SLIT2: variants seen among roughly 807,000 people sequenced by gnomAD.
SLIT2 encodes the protein slit homolog 2 protein.
A neutral mutation model predicts 185.7 loss-of-function variants in SLIT2; 41 were observed. The ratio of observed to expected loss-of-function variants is 0.22; its 90% CI spans 0.17 to 0.29. SLIT2 has a LOEUF of 0.29. Among genes scored for constraint, SLIT2 ranks in the 10% least tolerant of loss-of-function variants. SLIT2 has a pLI of 1.00. For synonymous variants in SLIT2, 693 were observed against 680.2 expected, an observed-to-expected ratio of 1.02 and a Z score of -0.29; for missense variants, 1,571 against 1,909.0, an observed-to-expected ratio of 0.82 and a Z score of 3.30.
intron 4 of SLIT2, among the ~76,000 whole-genome samples, chr4:20,463,235 C>T (rs1052137163): frequency 2.8e-4 from 43 of 151,890 alleles, no homozygotes; most frequent in Middle Eastern, 3.4e-3. Flanking sequence ...CCCACCACCT[C>T]CCACCTCTTT....
In SLIT2 at chr4:20,281,230, A is replaced by T. The variant is rs1714739018; in HGVS notation, c.395+12349A>T. Among the ~76,000 whole-genome samples, 3 of 152,344 alleles carry T rather than the reference A, an allele frequency of 2.0e-5. No individual in the cohort carries two copies. The South Asian group carries it at 6.2e-4, about 32-fold the overall frequency. ...CTCAATATGAGGTAAGTGGTGTACA[A>T]CTGAGGTAGTTTTAATAATCACCTG... On this transcript the variant is annotated intron_variant, in intron 4 of 36. Transcript: ENST00000504154.
rs1483633816 is a variant in SLIT2 at position 20,528,270 on chromosome 4, G to A, written c.1463-679G>A. 1.1e-5 allele frequency: 6 copies of A among 534,624 alleles called. No individual in the cohort carries two copies. Among genetic ancestry groups the A allele is most frequent in the Non-Finnish European group, 2.3e-5 (6 of 260,066 alleles). The allele number at this position is 534,624 out of a possible 1,614,324, so 33.1% of individuals were successfully genotyped here. A position where few individuals can be genotyped will look rare whatever the true frequency, so the allele number is the denominator to read the frequency against. On this transcript the variant is annotated intron_variant, in intron 15 of 36. Transcript: ENST00000504154. This position sits in a 1 kb window ranked among gnomAD's most constrained non-coding sequence, Gnocchi z 4.2. ...GGTCTTACCTTTGGCCTAGTGGTTG[G>A]TGTAGTGATAATGTAGCGAGATTTT... is the stretch of plus-strand genomic sequence containing the variant.
At chr4:20,489,622 A>G (rs556840163) in intron 8 of SLIT2, among the ~76,000 whole-genome samples, 2 of 152,190 alleles carry the variant, frequency 1.3e-5, no homozygotes, top group African/African-American at 2.4e-5. Context: ...CGTCCTTTCT[A>G]AAAATACAAA....
At chr4:20,470,606 C>T (rs375042755) in intron 5 of SLIT2, among the ~76,000 whole-genome samples, 4 of 151,810 alleles carry the variant, frequency 2.6e-5, no homozygotes, top group African/African-American at 7.3e-5. Context: ...GACACAGTCT[C>T]GCTCTGTCAC....
intron 34 of SLIT2, among the ~76,000 whole-genome samples, chr4:20,612,410 T>C (rs1452488480): frequency 6.6e-6 from 1 of 151,838 alleles, no homozygotes; most frequent in South Asian, 2.1e-4. Flanking sequence ...AACACCTCTG[T>C]CCACCCAGGC....
rs528434751 is a variant in SLIT2 at position 20,359,448 on chromosome 4, T to TA, written c.395+90572dup. Among the ~76,000 whole-genome samples the TA allele has an allele frequency of 8.5e-5, 13 of 152,138 alleles. No individual in the cohort carries two copies. In the East Asian group the frequency reaches 2.3e-3, roughly 27 times the overall value. ...TCAATACAGAGATCTACTAAGCACT[T>TA]AAAAATTAGAGACAAATAATATTCA... On this transcript the variant is annotated intron_variant, in intron 4 of 36. Coordinates refer to ENST00000504154, the MANE Select transcript of SLIT2 (RefSeq NM_004787.4).
At chr4:20,489,476 C>G (rs1485859791) in intron 8 of SLIT2, among the ~76,000 whole-genome samples, 1 of 152,150 alleles carries the variant, frequency 6.6e-6, no homozygotes, top group African/African-American at 2.4e-5. Context: ...TAATAACAAA[C>G]ATCTAAAAAC....
At position 20,596,437 on chromosome 4, in the gene SLIT2, C is replaced by T. The variant is rs748811402; in HGVS notation, c.3343C>T (p.Pro1115Ser). 1.5e-5 allele frequency: 25 copies of T among 1,613,736 alleles called. No homozygotes were observed. The South Asian group carries it at 2.6e-4, about 17-fold the overall frequency. The stretch of plus-strand genomic sequence containing the variant: ...CAGTGGCTTGTTCTGTGAGTTTTCT[C>T]CACCCATGGTCCTCCCTCGTACCAG... Reference protein sequence around the residue: ...GYSGLFCEFSPPMVLPRTSPC... With the variant: ...GYSGLFCEFSSPMVLPRTSPC... The change falls in exon 32 of 37, where the codon CCA becomes TCA. Residue 1115 changes from proline to serine, a missense_variant. By Grantham distance (74) the Pro-to-Ser change is moderately conservative. Around this residue, in one of 3 missense-constraint regions of SLIT2, gnomAD observed 1,202 missense variants for 1,416.4 expected, o/e 0.85. Transcript: ENST00000504154.
intron 3 of SLIT2, among the ~76,000 whole-genome samples, chr4:20,264,599 T>A (rs1712833853): frequency 6.6e-6 from 1 of 151,880 alleles, no homozygotes; most frequent in Non-Finnish European, 1.5e-5. Flanking sequence ...AGCTGGCAGA[T>A]AATAATTCAA....
At chr4:20,525,598 A>C (rs1472316623) in intron 15 of SLIT2, among the ~76,000 whole-genome samples, 1 of 152,132 alleles carries the variant, frequency 6.6e-6, no homozygotes, top group African/African-American at 2.4e-5. Flanking sequence ...TCAGTTACAC[A>C]CAGAATTTCA....
intron 29 of SLIT2, among the ~76,000 whole-genome samples, chr4:20,572,354 T>C (rs1192804854): frequency 1.3e-5 from 2 of 152,200 alleles, no homozygotes; most frequent in African/African-American, 4.8e-5. Flanking sequence ...AACATCCCTA[T>C]ACTATTAAGA....
At chr4:20,308,335 C>T (rs1420608008) in intron 4 of SLIT2, among the ~76,000 whole-genome samples, 1 of 152,140 alleles carries the variant, frequency 6.6e-6, no homozygotes, top group Admixed American at 6.6e-5. Flanking sequence ...CTCTGGAGTG[C>T]TCCAAAGTGC....
chr4:20,416,653 A>G (rs570900201), intron 4 of SLIT2, among the ~76,000 whole-genome samples: 3 of 152,326 alleles, frequency 2.0e-5, no homozygotes, highest in Non-Finnish European at 4.4e-5. Flanking sequence ...ATTTGTTTTA[A>G]AAGTGCTTAC....
intron 12 of SLIT2, among the ~76,000 whole-genome samples, chr4:20,520,254 A>C (rs2148843529): frequency 6.6e-6 from 1 of 152,332 alleles, no homozygotes; most frequent in South Asian, 2.1e-4. Flanking sequence ...TTGTCTCAAA[A>C]GAAGTATTTA....
intron 4 of SLIT2, among the ~76,000 whole-genome samples, chr4:20,384,327 A>G (rs1334530334): frequency 6.6e-6 from 1 of 152,170 alleles, no homozygotes; most frequent in East Asian, 1.9e-4. Flanking sequence ...GGAAAATCAA[A>G]ATTATTCTGA....
At position 20,527,211 on chromosome 4, in the gene SLIT2, G is replaced by A. The variant is rs73108677; in HGVS notation, c.1463-1738G>A. Among the ~76,000 whole-genome samples the A allele has an allele frequency of 5.7e-3, 860 of 152,140 alleles. 7 individuals are homozygous for A. Among genetic ancestry groups the A allele is most frequent in the African/African-American group, 0.02 (820 of 41,504 alleles). ...TGATTAGTTTTTCATTCACTTTTAC[G>A]TGTGTACCTCGCTACTACCATTTTA... On this transcript the variant is annotated intron_variant, in intron 15 of 36. Transcript: ENST00000504154.
chr4:20,530,568 A>G (rs1278142741), intron 16 of SLIT2, among the ~76,000 whole-genome samples: 4 of 152,254 alleles, frequency 2.6e-5, no homozygotes, highest in East Asian at 1.9e-4. Context: ...CAGGCATGAG[A>G]CACTGCCCCT....
At chr4:20,585,550 G>T (rs1292822099) in intron 29 of SLIT2, among the ~76,000 whole-genome samples, 1 of 152,158 alleles carries the variant, frequency 6.6e-6, no homozygotes, top group Admixed American at 6.5e-5. Flanking sequence ...CTCTTGAGAG[G>T]CTCATAGACA....
intron 4 of SLIT2, among the ~76,000 whole-genome samples, chr4:20,404,866 A>G (rs142310567): frequency 3.3e-5 from 5 of 152,166 alleles, no homozygotes; most frequent in East Asian, 1.9e-4. Flanking sequence ...ACAAGATCGT[A>G]TGAGTCCAGA....
Sources: gnomAD v4.1 joint callset for allele counts (sites outside exome capture counted in the v4.1 genomes callset) on GRCh38, gnomAD v4.1.1 for gene constraint, gnomAD v4.1.1 regional missense constraint, Gnocchi (gnomAD v3.1) non-coding constraint, MANE v1.5 for transcripts, NCBI Gene and HGNC (gene_info 2026-07-23, HGNC 2026-07-21) for gene names.